The following CROCC2 variants were observed in gnomAD, a reference collection of about 807,000 sequenced individuals.
CROCC2 encodes ciliary rootlet coiled-coil, rootletin family member 2.
CROCC2 carries 163 observed loss-of-function variants against 177.6 expected under a neutral mutation model. The ratio of observed to expected loss-of-function variants is 0.92; its 90% CI spans 0.81 to 1.05. CROCC2 has a LOEUF of 1.05. CROCC2 is among the 50% of genes least tolerant of loss of function. The pLI is 0.00. For missense variants in CROCC2, 1,929 were observed against 1,797.8 expected (o/e 1.07, Z -1.32); for synonymous variants, 904 against 787.3 (o/e 1.15, Z -2.48).
chr2:240,942,538 G>T (rs1161168561), intron 14 of CROCC2, among the ~76,000 whole-genome samples: 1 of 152,052 alleles, frequency 6.6e-6, no homozygotes, highest in Admixed American at 6.5e-5. Flanking sequence ...AATAATTTTT[G>T]ATTGAATGAC....
At position 240,988,873 on chromosome 2, in the gene CROCC2, C is replaced by A. The variant is rs1214856892; in HGVS notation, c.4683+3C>A. The A allele has an allele frequency of 5.8e-5, 85 of 1,469,144 alleles. No individual in the cohort carries two copies. Among genetic ancestry groups the A allele is most frequent in the Non-Finnish European group, 1.5e-5 (17 of 1,101,410 alleles). The allele number at this position is 1,469,144 out of a possible 1,614,324, so 91.0% of individuals were successfully genotyped here. ...TGAGGCAAAATCAGCAGCTGCAGGT[C>A]AACTGGGCCAGTGGAGCTCTGCATA... On this transcript the variant is annotated splice_donor_region_variant and intron_variant, in intron 29 of 31. Coordinates refer to ENST00000690015, the MANE Select transcript of CROCC2 (RefSeq NM_001351305.2).
In CROCC2 at chr2:240,910,346, C is replaced by A. The variant is rs551633819; in HGVS notation, c.78+3755C>A. Among the ~76,000 whole-genome samples, 5 of 58,754 alleles carry A rather than the reference C, an allele frequency of 8.5e-5. No homozygotes were observed. In the South Asian group the frequency reaches 2.3e-3, roughly 27 times the overall value. 38.5% of individuals were successfully genotyped at this position (58,754 alleles called of 152,430 possible). A position where few individuals can be genotyped will look rare whatever the true frequency, so the allele number is the denominator to read the frequency against. ...AGGAACCCAGCACAGAAAGCCCAGT[C>A]CCCTCAGAGCTGGGGGCTCCTCAGA... On this transcript the variant is annotated intron_variant, in intron 1 of 31. Transcript: ENST00000690015.
intron 5 of CROCC2, among the ~76,000 whole-genome samples, chr2:240,926,131 C>T (rs1409061012): frequency 1.3e-5 from 2 of 152,230 alleles, no homozygotes; most frequent in Non-Finnish European, 2.9e-5. Context: ...GAATGGGGCA[C>T]TGGGGCCGCA....
intron 26 of CROCC2, 108 bp from the exon 27 acceptor site, chr2:240,968,021 C>T (rs965157037): frequency 3.4e-6 from 4 of 1,192,690 alleles, no homozygotes; most frequent in Non-Finnish European, 4.4e-6. Flanking sequence ...GGATGGACCC[C>T]CACCTCCACG....
intron 9 of CROCC2, 88 bp from the exon 10 acceptor site, chr2:240,933,043 C>T: frequency 2.0e-6 from 3 of 1,522,700 alleles, no homozygotes; most frequent in Non-Finnish European, 2.7e-6. Context: ...CGGGGGTGTC[C>T]TTTCTGGGGA....
chr2:240,928,671 G>A (rs553628335), intron 5 of CROCC2, among the ~76,000 whole-genome samples: 7 of 152,212 alleles, frequency 4.6e-5, no homozygotes, highest in East Asian at 3.9e-4. Flanking sequence ...TGCAGGAGGC[G>A]GTGCGGCTGA....
At position 240,972,368 on chromosome 2, in the gene CROCC2, C is replaced by T. The variant is rs2059727033; in HGVS notation, c.4401+4106C>T. 2.0e-5 allele frequency among the ~76,000 whole-genome samples: 3 copies of T among 151,956 alleles called. No individual in the cohort carries two copies. In the South Asian group the frequency reaches 6.2e-4, roughly 31 times the overall value. The stretch of plus-strand genomic sequence containing the variant: ...TGAAGTGGGCGGGGTGGGAGCGGCG[C>T]TCTCCGGTGCACGGTCACGGTGCGG... On this transcript the variant is annotated intron_variant, in intron 27 of 31. Transcript: ENST00000690015. The surrounding 1 kb of genome is among the most constrained non-coding windows in gnomAD (Gnocchi z 7.1).
chr2:240,944,077 T>C (rs567410996), intron 14 of CROCC2, among the ~76,000 whole-genome samples: 1 of 152,338 alleles, frequency 6.6e-6, no homozygotes, highest in South Asian at 2.1e-4. Flanking sequence ...TTTTGAAGAA[T>C]GTTTTCGCTG....
intron 28 of CROCC2, among the ~76,000 whole-genome samples, chr2:240,986,260 C>T (rs1164708570): frequency 1.3e-5 from 2 of 152,200 alleles, no homozygotes; most frequent in Non-Finnish European, 2.9e-5. Flanking sequence ...AGGCCAGAGT[C>T]CCCGCGGAAG....
At chr2:240,992,549 C>T (rs2059887552) in intron 31 of CROCC2, among the ~76,000 whole-genome samples, 1 of 152,256 alleles carries the variant, frequency 6.6e-6, no homozygotes, top group Admixed American at 6.5e-5. Flanking sequence ...CTGTCTGTTA[C>T]CTCTGCCTGA....
intron 6 of CROCC2, among the ~76,000 whole-genome samples, chr2:240,930,492 G>T (rs535399962): frequency 6.6e-6 from 1 of 152,254 alleles, no homozygotes; most frequent in East Asian, 1.9e-4. Context: ...AACAGGCCAG[G>T]GAGGTAGGTT....
At chr2:240,934,031 C>A (rs1375740752) in intron 11 of CROCC2, among the ~76,000 whole-genome samples, 179 bp downstream of exon 11, 1 of 152,220 alleles carries the variant, frequency 6.6e-6, no homozygotes, top group Non-Finnish European at 1.5e-5. Flanking sequence ...GCTGCACCAT[C>A]CTCCAGACCA....
Position 240,949,562 on chromosome 2 carries a change from G to A in CROCC2, c.2512G>A (p.Glu838Lys), listed in dbSNP as rs1481372231. The change falls in exon 17 of 32, where the codon GAG (glutamate) becomes AAG (lysine). Residue 838 changes from glutamate to lysine, a missense_variant. Coordinates refer to ENST00000690015, the MANE Select transcript of CROCC2 (RefSeq NM_001351305.2). This position sits in a 1 kb window ranked among gnomAD's most constrained non-coding sequence, Gnocchi z 4.5. ...VEMEQLQSDWEVQEMKLRQDT... is the reference protein window; with the variant it reads ...VEMEQLQSDWKVQEMKLRQDT... Reference sequence around the variant, plus strand: ...AATGGAGCAGCTACAAAGTGACTGGGAGGTCCAGGAAATGAAGCTGCGGCA... The same window carrying A: ...AATGGAGCAGCTACAAAGTGACTGGAAGGTCCAGGAAATGAAGCTGCGGCA... 1 of 1,550,592 alleles carries A rather than the reference G, an allele frequency of 6.4e-7. No individual in the cohort carries two copies. The highest frequency in any genetic ancestry group is 1.2e-5 in the South Asian group (1 of 84,056).
intron 7 of CROCC2, 149 bp downstream of exon 7, chr2:240,931,277 G>A: frequency 1.7e-6 from 1 of 593,144 alleles, no homozygotes; most frequent in African/African-American, 1.9e-5. Context: ...ACACTCTTCA[G>A]AGTCACCATC....
chr2:240,969,488 G>A (rs916734747), intron 27 of CROCC2, among the ~76,000 whole-genome samples: 3 of 152,168 alleles, frequency 2.0e-5, no homozygotes, highest in African/African-American at 7.2e-5. Flanking sequence ...GACCCTTCTG[G>A]TGACAGCTGC....
rs77474230 is a variant in CROCC2, at chr2:240,963,526, G to A, written c.3088-30G>A. On this transcript the variant is annotated intron_variant, in intron 20 of 31. Transcript: ENST00000690015. Reference sequence around the variant, plus strand: ...TATCCCTGGAGCAGTGGTCCCCAGCGGGCCTCTAGAGCTGAATGGTCCTCC... The same window carrying A: ...TATCCCTGGAGCAGTGGTCCCCAGCAGGCCTCTAGAGCTGAATGGTCCTCC... The A allele has an allele frequency of 0.016, 24,040 of 1,485,932 alleles. 3,010 individuals are homozygous for A. The African/African-American group carries it at 0.28, about 18-fold the overall frequency. 92.0% of individuals were successfully genotyped at this position (1,485,932 alleles called of 1,614,324 possible).
chr2:240,963,826 C>T lies in CROCC2; in HGVS notation c.3305+53C>T, dbSNP rs1215940463. 7 of 1,526,572 alleles carry T rather than the reference C, an allele frequency of 4.6e-6. No individual in the cohort carries two copies. The Admixed American group carries it at 9.9e-5, about 22-fold the overall frequency. The allele number at this position is 1,526,572 out of a possible 1,614,324, so 94.6% of individuals were successfully genotyped here. Reference sequence around the variant, plus strand: ...GGGTGCCCTGCAGCCTGCTGCCCACCCAGGCCGTAGGGAGGATGGGGCAAG... The same window carrying T: ...GGGTGCCCTGCAGCCTGCTGCCCACTCAGGCCGTAGGGAGGATGGGGCAAG... On this transcript the variant is annotated intron_variant, in intron 21 of 31. Coordinates refer to ENST00000690015, the MANE Select transcript of CROCC2 (RefSeq NM_001351305.2).
At position 240,989,801 on chromosome 2, in the gene CROCC2, C is replaced by T. The variant is rs962741952; in HGVS notation, c.4831C>T (p.His1611Tyr). The T allele has an allele frequency of 1.9e-6, 3 of 1,548,650 alleles. No homozygotes were observed. Among genetic ancestry groups the T allele is most frequent in the Non-Finnish European group, 2.6e-6 (3 of 1,145,618 alleles). ...TQALESQEWT[H>Y]QQQVKVLEEQ... ...GGCCCTGGAGTCCCAAGAATGGACCCACCAGCAGCAGGTAAAGGTGCTGGA... is the reference window on the plus strand; with the variant it reads ...GGCCCTGGAGTCCCAAGAATGGACCTACCAGCAGCAGGTAAAGGTGCTGGA... The change falls in exon 30 of 32, where the codon CAC becomes TAC. Residue 1611 changes from histidine (H) to tyrosine (Y), a missense_variant. This residue lies in a region of CROCC2 where 388 missense variants were observed against 352.7 expected (regional missense o/e 1.10). Transcript: ENST00000690015.
At position 240,931,227 on chromosome 2, in the gene CROCC2, C is replaced by G. The variant is rs998853042; in HGVS notation, c.947+99C>G. The G allele has an allele frequency of 3.0e-5, 18 of 610,080 alleles. No individual in the cohort carries two copies. The Admixed American group carries it at 4.1e-4, about 14-fold the overall frequency. The allele number at this position is 610,080 out of a possible 1,614,324, so 37.8% of individuals were successfully genotyped here. A position where few individuals can be genotyped will look rare whatever the true frequency, so the allele number is the denominator to read the frequency against. On this transcript the variant is annotated intron_variant, in intron 7 of 31. Transcript: ENST00000690015. ...CTGTGGATCCCAGATGTGGTCACAC[C>G]GTTCCAGGGCAGGTGGGGCCCTGAT... is the stretch of plus-strand genomic sequence containing the variant.
Sources: allele counts gnomAD v4.1 joint callset (sites outside exome capture counted in the v4.1 genomes callset), GRCh38; gene constraint gnomAD v4.1.1; regional missense constraint gnomAD v4.1.1; non-coding constraint Gnocchi (gnomAD v3.1); transcripts MANE v1.5; gene names NCBI Gene and HGNC (gene_info 2026-07-23, HGNC 2026-07-21).